The following FBXO31 variants were observed in gnomAD, a reference collection of about 807,000 sequenced individuals.
FBXO31 encodes the protein F-box only protein 31.
FBXO31 carries 24 observed loss-of-function variants against 54.4 expected under a neutral mutation model. That is an observed-to-expected ratio of 0.44 (90% CI 0.32 to 0.62). The LOEUF (loss-of-function observed/expected upper bound fraction) is 0.62. Ranked by LOEUF, FBXO31 falls within the 20% of genes least tolerant of loss-of-function variation. The probability of loss-of-function intolerance (pLI) is 0.05; values close to 1 mark genes in which losing one functional copy is unlikely to be tolerated. For synonymous variants in FBXO31, 388 were observed against 335.6 expected (o/e 1.16, Z -1.71); for missense variants, 665 against 787.1 (o/e 0.84, Z 1.86).
chr16:87,376,839 C>A (rs1006771353), intron 1 of FBXO31, among the ~76,000 whole-genome samples: 1 of 152,194 alleles, frequency 6.6e-6, no homozygotes. Flanking sequence ...CTGCCCTTGG[C>A]CTTATCAGTA....
chr16:87,368,431 T>C (rs772434561), intron 1 of FBXO31, among the ~76,000 whole-genome samples: 7 of 152,174 alleles, frequency 4.6e-5, no homozygotes, highest in Non-Finnish European at 8.8e-5. Context: ...GCCAGTGTCC[T>C]TTCCAGCAAC....
intron 1 of FBXO31, among the ~76,000 whole-genome samples, chr16:87,377,436 G>A (rs1188138323): frequency 1.3e-5 from 2 of 151,912 alleles, no homozygotes; most frequent in South Asian, 4.1e-4. Flanking sequence ...ACATCACGAG[G>A]GAGACCCTGT....
At position 87,326,998 on chromosome 16, in the gene FBXO31, A is replaced by G. The variant is rs2150663548; in HGVS notation, c.*4290T>C. On this transcript the variant is annotated 3_prime_UTR_variant, in exon 9 of 9. Transcript: ENST00000311635. ...CAAAACACACAACAAGCCTTCAAAA[A>G]CGGATTTACTTGAAACTGTGAGGAG... is the stretch of plus-strand genomic sequence containing the variant. The G allele has an allele frequency of 6.6e-6, 1 of 152,376 alleles. No individual in the cohort carries two copies. Among genetic ancestry groups the G allele is most frequent in the South Asian group, 2.1e-4 (1 of 4,832 alleles). The allele number at this position is 152,376 out of a possible 1,614,324, so 9.4% of individuals were successfully genotyped here.
intron 3 of FBXO31, 21 bp downstream of exon 3, chr16:87,347,153 T>A (rs912898821): frequency 1.1e-5 from 18 of 1,611,816 alleles, no homozygotes; most frequent in Non-Finnish European, 1.4e-5. Flanking sequence ...ACAGACCTCG[T>A]CGCGAGGCTC....
At chr16:87,373,581 G>A (rs1906695017) in intron 1 of FBXO31, among the ~76,000 whole-genome samples, 1 of 150,624 alleles carries the variant, frequency 6.6e-6, no homozygotes, top group Non-Finnish European at 1.5e-5. Flanking sequence ...CCAGGCTGGA[G>A]TGCAGCGGTA....
upstream of FBXO31, chr16:87,383,825 C>T (rs556035397): frequency 1.3e-4 from 132 of 1,012,982 alleles, 2 homozygotes; most frequent in African/African-American, 2.1e-3. This position sits in a 1 kb window ranked among gnomAD's most constrained non-coding sequence, Gnocchi z 4.9. Context: ...GCCACGCCCC[C>T]GCCGCAGAGC....
In FBXO31 at chr16:87,338,622, C is replaced by T. The variant is rs1054405092; in HGVS notation, c.733-2358G>A. The stretch of plus-strand genomic sequence containing the variant: ...AGGGAACCCACAACCCTGGGAACAT[C>T]ATCAGATCATGCCAGTGACGCAGCC... On this transcript the variant is annotated intron_variant, in intron 5 of 8. Transcript: ENST00000311635. The surrounding 1 kb of genome is among the most constrained non-coding windows in gnomAD (Gnocchi z 4.3). Among the ~76,000 whole-genome samples, 5 of 152,196 alleles carry T rather than the reference C, an allele frequency of 3.3e-5. No homozygotes were observed. Among genetic ancestry groups the T allele is most frequent in the African/African-American group, 1.2e-4 (5 of 41,448 alleles).
intron 2 of FBXO31, among the ~76,000 whole-genome samples, chr16:87,354,496 T>C (rs923066693): frequency 6.6e-6 from 1 of 151,608 alleles, no homozygotes; most frequent in Non-Finnish European, 1.5e-5. Context: ...AAATGCACTT[T>C]GACTGGCTTC....
At chr16:87,390,856 C>T (rs973900402), upstream of FBXO31, among the ~76,000 whole-genome samples, 2 of 152,142 alleles carry the variant, frequency 1.3e-5, no homozygotes, top group Non-Finnish European at 2.9e-5. Context: ...CCTCTGCCTC[C>T]CTGAGAGCTG....
rs62053079 is a variant in FBXO31 at position 87,332,467 on chromosome 16, C to G, written c.1398-957G>C. ...AGCCCACTGTGAGGTATTAGGAGTTCTGAGATGTTTGAAGGGTAACAGAGC... is the reference window on the plus strand; with the variant it reads ...AGCCCACTGTGAGGTATTAGGAGTTGTGAGATGTTTGAAGGGTAACAGAGC... On this transcript the variant is annotated intron_variant, in intron 8 of 8. Transcript: ENST00000311635. 7.3e-3 allele frequency among the ~76,000 whole-genome samples: 1,115 copies of G among 152,340 alleles called. 14 individuals are homozygous for G. The highest frequency in any genetic ancestry group is 0.011 in the Non-Finnish European group (777 of 68,022).
intron 1 of FBXO31, among the ~76,000 whole-genome samples, chr16:87,361,941 C>T (rs1212292916): frequency 6.6e-6 from 1 of 152,236 alleles, no homozygotes; most frequent in Non-Finnish European, 1.5e-5. Context: ...TACGGGTCCC[C>T]CTTAGCGGGA....
intron 3 of FBXO31, among the ~76,000 whole-genome samples, chr16:87,344,199 G>A (rs930644446): frequency 7.9e-5 from 12 of 152,254 alleles, no homozygotes; most frequent in Admixed American, 5.9e-4. Context: ...GCAGTGACAC[G>A]GAGATGCAGG....
intron 5 of FBXO31, among the ~76,000 whole-genome samples, chr16:87,340,443 G>A (rs773699834): frequency 1.3e-4 from 20 of 152,214 alleles, no homozygotes; most frequent in Non-Finnish European, 1.9e-4. Flanking sequence ...TGGTTATCAC[G>A]CATCCAGTGT....
At chr16:87,354,024 C>T (rs1905785441) in intron 2 of FBXO31, among the ~76,000 whole-genome samples, 1 of 152,236 alleles carries the variant, frequency 6.6e-6, no homozygotes, top group African/African-American at 2.4e-5. Flanking sequence ...GCCTCATGTG[C>T]GCCTGCTCCG....
Position 87,327,861 on chromosome 16 carries a change from G to GT in FBXO31, c.*3426dup, listed in dbSNP as rs1439918456. ...GTGATGGTTCTATGAGCACATTCCC[G>GT]TAAGTGTTCTTAAAAGTTACACCAC... On this transcript the variant is annotated 3_prime_UTR_variant, in exon 9 of 9. Transcript: ENST00000311635. The GT allele has an allele frequency of 6.6e-6, 1 of 152,092 alleles. No individual in the cohort carries two copies. Among genetic ancestry groups the GT allele is most frequent in the African/African-American group, 2.4e-5 (1 of 41,386 alleles). 9.4% of individuals were successfully genotyped at this position (152,092 alleles called of 1,614,324 possible).
chr16:87,375,592 G>A (rs989543692), intron 1 of FBXO31, among the ~76,000 whole-genome samples: 1 of 152,172 alleles, frequency 6.6e-6, no homozygotes, highest in African/African-American at 2.4e-5. Context: ...ACAAGCCCAG[G>A]CAGGGCCACG....
intron 1 of FBXO31, among the ~76,000 whole-genome samples, chr16:87,374,135 G>C (rs1170791400): frequency 6.6e-6 from 1 of 151,902 alleles, no homozygotes; most frequent in African/African-American, 2.4e-5. Flanking sequence ...CCAACTACTT[G>C]AGAGGCTAAG....
chr16:87,347,371 A>G (rs1489037908), intron 2 of FBXO31, 121 bp from the exon 3 acceptor site: 1 of 805,138 alleles, frequency 1.2e-6, no homozygotes, highest in Non-Finnish European at 2.2e-6. Flanking sequence ...AGAGCCCTCC[A>G]AACACATGCA....
intron 5 of FBXO31, among the ~76,000 whole-genome samples, chr16:87,340,658 T>C (rs779108560): frequency 2.6e-5 from 4 of 152,078 alleles, no homozygotes; most frequent in African/African-American, 4.8e-5. Flanking sequence ...CATCTGCTTA[T>C]GTAAAAATTA....
Sources: gnomAD v4.1 joint callset for allele counts (sites outside exome capture counted in the v4.1 genomes callset) on GRCh38, gnomAD v4.1.1 for gene constraint, Gnocchi (gnomAD v3.1) non-coding constraint, MANE v1.5 for transcripts, NCBI Gene and HGNC (gene_info 2026-07-23, HGNC 2026-07-21) for gene names.